The following MED23 variants were observed in gnomAD, a reference collection of about 807,000 sequenced individuals.
The protein encoded by MED23 is mediator complex subunit 23.
A neutral mutation model predicts 163.9 loss-of-function variants in MED23; 105 were observed. The ratio of observed to expected loss-of-function variants is 0.64; its 90% CI spans 0.55 to 0.75. The LOEUF is 0.75. MED23 is among the 30% of genes least tolerant of loss of function. The probability of loss-of-function intolerance (pLI) is 0.00; values close to 1 mark genes in which losing one functional copy is unlikely to be tolerated. For synonymous variants in MED23, 561 were observed against 565.6 expected (o/e 0.99, Z 0.12); for missense variants, 1,054 against 1,649.0 (o/e 0.64, Z 6.25).
intron 12 of MED23, among the ~76,000 whole-genome samples, 178 bp downstream of exon 12, chr6:131,607,750 T>C (rs1310201089): frequency 6.6e-6 from 1 of 152,202 alleles, no homozygotes; most frequent in Admixed American, 6.5e-5. Context: ...ACAGCTTTAG[T>C]GATTTGTAAA....
chr6:131,611,330 A>C (rs1027649275), intron 10 of MED23, among the ~76,000 whole-genome samples: 4 of 152,192 alleles, frequency 2.6e-5, no homozygotes, highest in African/African-American at 9.6e-5. Context: ...GTAAGCTCCA[A>C]TATAGCTGTA....
At chr6:131,616,210 T>G (rs1375190263) in intron 9 of MED23, among the ~76,000 whole-genome samples, 3 of 152,120 alleles carry the variant, frequency 2.0e-5, no homozygotes, top group Admixed American at 2.0e-4. Context: ...TGAGATGAAG[T>G]GGCTTGCCCC....
rs1585464405 is a variant in MED23, at chr6:131,593,000, A to G, written c.3398+6T>C. 6.2e-7 allele frequency: 1 copy of G among 1,614,138 alleles called. No homozygotes were observed. The highest frequency in any genetic ancestry group is 8.5e-7 in the Non-Finnish European group (1 of 1,179,974). On this transcript the variant is annotated splice_donor_region_variant and intron_variant, in intron 24 of 28. Transcript: ENST00000368068. ...CAAATCTTACTGCATGAACCAGAAT[A>G]CATACCTTTTTAGGACAACATTTAG...
chr6:131,615,568 GT>G (rs1344099640), intron 10 of MED23: 2 of 464,600 alleles, frequency 4.3e-6, no homozygotes, highest in Non-Finnish European at 7.5e-6. Context: ...GATACCAAGG[GT>G]TATATAAAAA....
chr6:131,588,876 A>T (rs989779677), intron 28 of MED23, among the ~76,000 whole-genome samples: 1 of 152,132 alleles, frequency 6.6e-6, no homozygotes, highest in South Asian at 2.1e-4. Context: ...ACCAGAATTC[A>T]TACACCCTCT....
At chr6:131,623,495 A>G (rs1269199194) in intron 4 of MED23, 33 bp from the exon 5 acceptor site, 1 of 1,584,212 alleles carries the variant, frequency 6.3e-7, no homozygotes, top group South Asian at 1.1e-5. Flanking sequence ...TCCAGTTACA[A>G]GACAGAATTT....
downstream of MED23, chr6:131,583,434 G>C (rs182650447): frequency 5.9e-5 from 95 of 1,614,088 alleles, 1 homozygote; most frequent in Admixed American, 1.5e-3. Context: ...CACACCAGTC[G>C]TGGGAGGTCT....
intron 30 of MED23, among the ~76,000 whole-genome samples, chr6:131,577,431 C>A (rs1390901044): frequency 6.6e-6 from 1 of 152,080 alleles, no homozygotes; most frequent in Non-Finnish European, 1.5e-5. Context: ...CATTCAAGTA[C>A]AAGTCTTTGT....
downstream of MED23, among the ~76,000 whole-genome samples, chr6:131,582,016 T>C (rs549575950): frequency 5.3e-5 from 8 of 152,292 alleles, no homozygotes; most frequent in African/African-American, 1.9e-4. Context: ...TGATATGCCA[T>C]AGTATATCAA....
intron 6 of MED23, among the ~76,000 whole-genome samples, chr6:131,621,102 C>T (rs1777065858): frequency 1.3e-5 from 2 of 152,098 alleles, no homozygotes; most frequent in Admixed American, 6.5e-5. Flanking sequence ...GCATCTGGCC[C>T]ATGTGAGCGT....
At chr6:131,596,796 T>G in intron 20 of MED23, 108 bp from the exon 21 acceptor site, 1 of 1,060,212 alleles carries the variant, frequency 9.4e-7, no homozygotes, top group Non-Finnish European at 1.4e-6. Context: ...CTATTATAAT[T>G]TCCTTAGACG....
At chr6:131,594,842 C>A (rs1294244849) in intron 22 of MED23, among the ~76,000 whole-genome samples, 1 of 151,580 alleles carries the variant, frequency 6.6e-6, no homozygotes, top group African/African-American at 2.4e-5. Flanking sequence ...ACAAACAAAA[C>A]CAGCCAGGAT....
chr6:131,597,475 CAAAAAAAA>C (rs59083644), intron 20 of MED23, among the ~76,000 whole-genome samples: 15 of 53,750 alleles, frequency 2.8e-4, no homozygotes, highest in Non-Finnish European at 4.2e-4. Context: ...GACTCCATAT[CAAAAAAAA>C]AAAAAAAAAA....
chr6:131,596,257 T>C, intron 21 of MED23, 94 bp from the exon 22 acceptor site: 1 of 1,194,602 alleles, frequency 8.4e-7, no homozygotes, highest in Non-Finnish European at 1.2e-6. Flanking sequence ...GATTTTTTTT[T>C]GCAAGGAAAC....
intron 10 of MED23, among the ~76,000 whole-genome samples, chr6:131,613,082 A>G (rs367994016): frequency 0.041 from 4,381 of 106,760 alleles, 105 homozygotes; most frequent in Middle Eastern, 0.12. Flanking sequence ...GCTTTAACCA[A>G]GAAAGTTACC....
chr6:131,627,685 A>G lies in MED23; in HGVS notation c.40-13T>C, dbSNP rs766446802. ...TAACTTCCGTTTTCTGTAAAAAAAAAAAAAACAAAATGTAAACAATGTTAA... is the reference window on the plus strand; with the variant it reads ...TAACTTCCGTTTTCTGTAAAAAAAAGAAAAACAAAATGTAAACAATGTTAA... On this transcript the variant is annotated splice_polypyrimidine_tract_variant and intron_variant, in intron 1 of 28. Transcript: ENST00000368068. 1 of 1,602,706 alleles carries G rather than the reference A, an allele frequency of 6.2e-7. No individual in the cohort carries two copies. The highest frequency in any genetic ancestry group is 8.5e-7 in the Non-Finnish European group (1 of 1,175,952).
chr6:131,616,042 G>A (rs1776664868), intron 9 of MED23, 40 bp from the exon 10 acceptor site: 1 of 1,471,874 alleles, frequency 6.8e-7, no homozygotes, highest in South Asian at 1.1e-5. Flanking sequence ...CAAGATCAAT[G>A]TCAACATTAA....
chr6:131,596,731 G>A, intron 20 of MED23, 43 bp from the exon 21 acceptor site: 1 of 1,588,062 alleles, frequency 6.3e-7, no homozygotes, highest in Non-Finnish European at 8.6e-7. Context: ...TGTTCAACCT[G>A]TGTAAAATCA....
intron 10 of MED23, chr6:131,615,595 CA>C (rs1776627822): frequency 1.7e-5 from 6 of 362,602 alleles, no homozygotes; most frequent in East Asian, 4.7e-5. Flanking sequence ...ACCCAAACAA[CA>C]AAAAAAGTCA....
Sources: allele counts gnomAD v4.1 joint callset (sites outside exome capture counted in the v4.1 genomes callset), GRCh38; gene constraint gnomAD v4.1.1; transcripts MANE v1.5; gene names NCBI Gene and HGNC (gene_info 2026-07-23, HGNC 2026-07-21).